EEF2K: variants seen among roughly 807,000 people sequenced by gnomAD.
The protein encoded by EEF2K is alternative protein EEF2K.
Under a neutral mutation model 93.8 loss-of-function variants are expected in EEF2K, and 70 were observed. The observed-to-expected ratio is 0.75, with a 90% confidence interval of 0.62 to 0.91. The LOEUF is 0.91. Ranked by LOEUF, EEF2K falls within the 40% of genes least tolerant of loss-of-function variation. The pLI is 0.00. For synonymous variants in EEF2K, 376 were observed against 380.8 expected (o/e 0.99, Z 0.15); for missense variants, 935 against 972.9 (o/e 0.96, Z 0.52).
At chr16:22,244,984 G>A (rs542732576) in intron 3 of EEF2K, among the ~76,000 whole-genome samples, 7 of 152,186 alleles carry the variant, frequency 4.6e-5, no homozygotes, top group South Asian at 4.1e-4. Flanking sequence ...ATCTCTGGCC[G>A]GGTGAGGTGG....
chr16:22,250,668 A>T lies in EEF2K; in HGVS notation c.423A>T (p.Gly141=). The change falls in exon 5 of 18, where the codon GGA becomes GGT. Residue 141 remains glycine (G), a synonymous_variant. Coordinates refer to ENST00000263026, the MANE Select transcript of EEF2K (RefSeq NM_013302.5). ...IKMASQPFGR[G]AMRECFRTKK... ...GTGTCTTTCAGCCCTTCGGCCGAGG[A>T]GCAATGAGGGAGTGCTTCCGGACGT... 6.2e-7 allele frequency: 1 copy of T among 1,614,096 alleles called. No homozygotes were observed. Among genetic ancestry groups the T allele is most frequent in the Non-Finnish European group, 8.5e-7 (1 of 1,180,022 alleles).
chr16:22,248,495 G>T (rs898831700), intron 3 of EEF2K, among the ~76,000 whole-genome samples: 13 of 152,162 alleles, frequency 8.5e-5, no homozygotes, highest in Non-Finnish European at 1.9e-4. Flanking sequence ...AGCAGTGAGT[G>T]CTGGGGATAT....
intron 10 of EEF2K, among the ~76,000 whole-genome samples, chr16:22,260,138 TGAG>T (rs1274158476): frequency 1.3e-5 from 2 of 152,184 alleles, no homozygotes; most frequent in Non-Finnish European, 2.9e-5. Context: ...TGCATTTTAT[TGAG>T]GACCAAGTGG....
intron 16 of EEF2K, among the ~76,000 whole-genome samples, chr16:22,279,441 C>T (rs1050555116): frequency 2.6e-5 from 4 of 151,364 alleles, no homozygotes; most frequent in African/African-American, 9.7e-5. Flanking sequence ...TTTGTGGGTA[C>T]ATAGTAAGTG....
intron 3 of EEF2K, among the ~76,000 whole-genome samples, chr16:22,246,515 T>TA (rs746408835): frequency 0.033 from 2,344 of 70,344 alleles, 155 homozygotes; most frequent in African/African-American, 0.1. Flanking sequence ...GACTCAGTCT[T>TA]AAAAAAAAAA....
chr16:22,226,365 G>T (rs1598168189), intron 2 of EEF2K, among the ~76,000 whole-genome samples: 1 of 113,128 alleles, frequency 8.8e-6, no homozygotes. Context: ...AAATGGAACA[G>T]AACAGAATAA....
Position 22,253,928 on chromosome 16 carries a change from C to T in EEF2K, c.618+2606C>T, listed in dbSNP as rs536197885. Among the ~76,000 whole-genome samples, 14 of 151,820 alleles carry T rather than the reference C, an allele frequency of 9.2e-5. 1 individual carries two copies. The East Asian group carries it at 1.9e-3, about 21-fold the overall frequency. ...AGCCTGGCCAACATGGTGAAACCCC[C>T]GCCTCTACTAAAAATACAAAATTAG... is the stretch of plus-strand genomic sequence containing the variant. On this transcript the variant is annotated intron_variant, in intron 6 of 17. Transcript: ENST00000263026.
intron 3 of EEF2K, among the ~76,000 whole-genome samples, chr16:22,246,374 G>C (rs1043858837): frequency 6.6e-6 from 1 of 151,810 alleles, no homozygotes; most frequent in Admixed American, 6.6e-5. Context: ...ATTTAGCCGG[G>C]TGTGGTGGTA....
At chr16:22,236,120 T>C (rs2141659362) in intron 2 of EEF2K, among the ~76,000 whole-genome samples, 1 of 152,232 alleles carries the variant, frequency 6.6e-6, no homozygotes, top group Non-Finnish European at 1.5e-5. Context: ...TTTGCTGCTG[T>C]ATTCCATGCT....
chr16:22,252,917 ACCACCCC>A (rs1567277773), intron 6 of EEF2K, among the ~76,000 whole-genome samples: 1 of 152,036 alleles, frequency 6.6e-6, no homozygotes, highest in East Asian at 1.9e-4. Flanking sequence ...TATGGGGGAA[ACCACCCC>A]CATGATTCAA....
chr16:22,280,324 C>T lies in EEF2K; in HGVS notation c.2016C>T (p.Ala672=), dbSNP rs764443358. 2.5e-5 allele frequency: 40 copies of T among 1,605,378 alleles called. No homozygotes were observed. The highest frequency in any genetic ancestry group is 9.1e-5 in the East Asian group (4 of 44,166). Residue 672 remains alanine, a synonymous_variant, in exon 17 of 18, where the codon GCC becomes GCT. Coordinates refer to ENST00000263026, the MANE Select transcript of EEF2K (RefSeq NM_013302.5). The part of the protein sequence containing the change: ...EPRYMMLARE[A]EMLFTGGYGL... Reference sequence around the variant, plus strand: ...GGTACATGATGCTGGCCAGGGAGGCCGAGATGCTGTTCACAGGAGGCTACG... The same window carrying T: ...GGTACATGATGCTGGCCAGGGAGGCTGAGATGCTGTTCACAGGAGGCTACG...
At position 22,257,728 on chromosome 16, in the gene EEF2K, G is replaced by A. The variant is rs375118137; in HGVS notation, c.987G>A (p.Ser329=). 27 of 1,613,842 alleles carry A rather than the reference G, an allele frequency of 1.7e-5. No homozygotes were observed. The highest frequency in any genetic ancestry group is 1.1e-4 in the South Asian group (10 of 91,086). The change falls in exon 9 of 18, where the codon TCG becomes TCA. Residue 329 remains serine, a synonymous_variant. Coordinates refer to ENST00000263026, the MANE Select transcript of EEF2K (RefSeq NM_013302.5). ...ESMGLAPFDL[S]PRERDAVNQN... ...TGGGCCTTGCTCCCTTTGACCTCTCGCCCCGGGAGAGGGATGCAGTGAATC... is the reference window on the plus strand; with the variant it reads ...TGGGCCTTGCTCCCTTTGACCTCTCACCCCGGGAGAGGGATGCAGTGAATC...
intron 2 of EEF2K, among the ~76,000 whole-genome samples, chr16:22,228,086 T>C: frequency 7.4e-6 from 1 of 134,904 alleles, no homozygotes. Flanking sequence ...CAATCTCAGC[T>C]CACTGCAACC....
At chr16:22,221,601 C>T (rs1372408355) in intron 1 of EEF2K, among the ~76,000 whole-genome samples, 1 of 152,066 alleles carries the variant, frequency 6.6e-6, no homozygotes, top group Non-Finnish European at 1.5e-5. Context: ...GCTTCGGTAG[C>T]CAGAGTACCA....
At chr16:22,233,131 G>T (rs752125246) in intron 2 of EEF2K, among the ~76,000 whole-genome samples, 4 of 152,144 alleles carry the variant, frequency 2.6e-5, no homozygotes, top group Non-Finnish European at 5.9e-5. Flanking sequence ...GATAACGTGG[G>T]AAAGTGCCTC....
chr16:22,256,824 T>C lies in EEF2K; in HGVS notation c.695T>C (p.Ile232Thr). ...GKPLFHLEHYIEGKYIKYNSN... is the reference protein window; with the variant it reads ...GKPLFHLEHYTEGKYIKYNSN... ...CCCCTCTTCCACCTGGAGCACTACA[T>C]CGAGGGCAAGTACATCAAGTACAAC... is the stretch of plus-strand genomic sequence containing the variant. The change falls in exon 7 of 18, where the codon ATC becomes ACC. Residue 232 changes from isoleucine (I) to threonine (T), a missense_variant. Ile to Thr is a moderately conservative substitution (Grantham distance 89). Coordinates refer to ENST00000263026, the MANE Select transcript of EEF2K (RefSeq NM_013302.5). The C allele has an allele frequency of 6.2e-7, 1 of 1,614,160 alleles. No individual in the cohort carries two copies. Among genetic ancestry groups the C allele is most frequent in the Non-Finnish European group, 8.5e-7 (1 of 1,180,032 alleles).
chr16:22,209,605 T>C (rs988894656), intron 1 of EEF2K, among the ~76,000 whole-genome samples: 6 of 152,194 alleles, frequency 3.9e-5, no homozygotes, highest in Admixed American at 3.9e-4. Context: ...TCAGTGTTTT[T>C]TGTTGAGGGA....
At chr16:22,248,024 ATTTAT>A (rs1046349925) in intron 3 of EEF2K, among the ~76,000 whole-genome samples, 5 of 150,894 alleles carry the variant, frequency 3.3e-5, no homozygotes, top group Non-Finnish European at 7.4e-5. Flanking sequence ...CACCTTGTAT[ATTTAT>A]TTTATGTATG....
intron 4 of EEF2K, among the ~76,000 whole-genome samples, chr16:22,249,821 G>A (rs760026897): frequency 6.7e-6 from 1 of 149,990 alleles, no homozygotes; most frequent in African/African-American, 2.5e-5. Context: ...TGCTCTTGTT[G>A]CCCAGGCTGG....
Sources: gnomAD v4.1 joint callset for allele counts (sites outside exome capture counted in the v4.1 genomes callset) on GRCh38, gnomAD v4.1.1 for gene constraint, MANE v1.5 for transcripts, NCBI Gene and HGNC (gene_info 2026-07-23, HGNC 2026-07-21) for gene names.